Variants in GRIA1 observed in about 807,000 individuals in gnomAD.
GRIA1 encodes glutamate ionotropic receptor AMPA type subunit 1, also known as glutamate receptor 1.
In GRIA1, 31 loss-of-function variants were observed where a neutral mutation model predicts 99.2. The observed-to-expected ratio is 0.31, with a 90% CI of 0.23 to 0.42. The LOEUF (loss-of-function observed/expected upper bound fraction) is 0.42. Among genes scored for constraint, GRIA1 ranks in the 10% least tolerant of loss-of-function variants. GRIA1 has a pLI of 1.00. For synonymous variants in GRIA1, 438 were observed against 432.4 expected (o/e 1.01, Z -0.16); for missense variants, 782 against 1,157.5 (o/e 0.68, Z 4.71).
chr5:153,492,413 A>C (rs2113176236), intron 1 of GRIA1: 2 of 1,075,158 alleles, frequency 1.9e-6, no homozygotes, highest in Non-Finnish European at 2.5e-6. Context: ...TCAACCTCCC[A>C]TCCTTTCTCT....
At chr5:153,676,154 G>T (rs1279098500) in intron 6 of GRIA1, among the ~76,000 whole-genome samples, 2 of 152,140 alleles carry the variant, frequency 1.3e-5, no homozygotes, top group African/African-American at 4.8e-5. Flanking sequence ...ACTGCGCCCG[G>T]CATGTAATTT....
rs757346467 is a variant in GRIA1, at chr5:153,705,691, T to TTTTC, written c.1453-4_1453-3insTCTT. 3 of 1,291,922 alleles carry TTTTC rather than the reference T, an allele frequency of 2.3e-6. No homozygotes were observed. Among genetic ancestry groups the TTTTC allele is most frequent in the African/African-American group, 3.2e-5 (2 of 62,016 alleles). 80.0% of individuals were successfully genotyped at this position (1,291,922 alleles called of 1,614,324 possible). Reference sequence around the variant, plus strand: ...TTTTTTTTTTTTTTTTTTTTTTTTTTTTCAGAGAGCAGATGTGGCTGTGGC... The same window carrying TTTTC: ...TTTTTTTTTTTTTTTTTTTTTTTTTTTTTCTTCAGAGAGCAGATGTGGCTGTGGC... On this transcript the variant is annotated splice_polypyrimidine_tract_variant and splice_region_variant and intron_variant, in intron 10 of 15. Transcript: ENST00000285900.
chr5:153,510,600 T>C (rs572287474), intron 2 of GRIA1, among the ~76,000 whole-genome samples: 9 of 152,246 alleles, frequency 5.9e-5, no homozygotes, highest in Admixed American at 2.6e-4. Context: ...CTCTGCAAGA[T>C]ACATTTGGAA....
intron 10 of GRIA1, among the ~76,000 whole-genome samples, chr5:153,704,814 C>T (rs1758775693): frequency 6.6e-6 from 1 of 152,134 alleles, no homozygotes. Context: ...TGGCAGAACT[C>T]TGTATATCTT....
At chr5:153,639,029 G>A (rs983284188) in intron 2 of GRIA1, among the ~76,000 whole-genome samples, 3 of 152,218 alleles carry the variant, frequency 2.0e-5, no homozygotes, top group African/African-American at 7.2e-5. Context: ...AAACAGCCAC[G>A]TCTGTGCTGG....
At chr5:153,491,062 A>T in intron 1 of GRIA1, 92 bp downstream of exon 1, 1 of 1,266,396 alleles carries the variant, frequency 7.9e-7, no homozygotes, top group Non-Finnish European at 1.2e-6. Flanking sequence ...CCCGGTACTG[A>T]CTGTTTTGCT....
chr5:153,774,085 C>A (rs1764064751), intron 13 of GRIA1, among the ~76,000 whole-genome samples: 1 of 129,856 alleles, frequency 7.7e-6, no homozygotes, highest in Non-Finnish European at 1.6e-5. Flanking sequence ...CCCCCACACA[C>A]ACACACACAC....
intron 2 of GRIA1, among the ~76,000 whole-genome samples, chr5:153,545,886 G>A (rs558085206): frequency 1.8e-3 from 269 of 152,108 alleles, no homozygotes; most frequent in Middle Eastern, 3.4e-3. Flanking sequence ...CACCATAGTC[G>A]GCCAACCCCT....
rs1324180485 is a variant in GRIA1, at chr5:153,770,277, A to G, written c.2132A>G (p.Lys711Arg). ...EEGMIRVRKS[K>R]GKYAYLLEST... is the part of the protein sequence containing the mutation. ...GGGATGATTCGAGTGAGGAAATCCA[A>G]AGGCAAATATGCCTACCTCCTGGAG... Residue 711 changes from lysine (K) to arginine (R), a missense_variant, in exon 13 of 16, where the codon AAA becomes AGA. Coordinates refer to ENST00000285900, the MANE Select transcript of GRIA1 (RefSeq NM_000827.4). The G allele has an allele frequency of 6.2e-7, 1 of 1,614,046 alleles. No individual in the cohort carries two copies. The highest frequency in any genetic ancestry group is 1.1e-5 in the South Asian group (1 of 91,078).
chr5:153,635,191 A>AT (rs1483014686), intron 2 of GRIA1, among the ~76,000 whole-genome samples: 2 of 152,046 alleles, frequency 1.3e-5, no homozygotes, highest in African/African-American at 4.8e-5. Context: ...GAAACAAAAG[A>AT]TTTTTTTTCT....
intron 2 of GRIA1, among the ~76,000 whole-genome samples, chr5:153,629,704 T>A (rs1752791497): frequency 6.6e-6 from 1 of 152,242 alleles, no homozygotes. Flanking sequence ...CCCTTTAGGA[T>A]CCTCATCTTG....
intron 2 of GRIA1, among the ~76,000 whole-genome samples, chr5:153,511,457 C>T (rs1756066137): frequency 6.6e-6 from 1 of 152,184 alleles, no homozygotes; most frequent in Admixed American, 6.5e-5. Flanking sequence ...CCAACTCAGG[C>T]ATCTCAACCA....
At position 153,789,445 on chromosome 5, in the gene GRIA1, C is replaced by T. The variant is rs534942854; in HGVS notation, c.2271-5176C>T. On this transcript the variant is annotated intron_variant, in intron 13 of 15. Transcript: ENST00000285900. ...GAGCTCGTGAAACTAAAACAATTTC[C>T]AAGTCATTTTATCTAGACATTTCTT... is the stretch of plus-strand genomic sequence containing the variant. Among the ~76,000 whole-genome samples the T allele has an allele frequency of 4.6e-5, 7 of 151,742 alleles. No individual in the cohort carries two copies. The East Asian group carries it at 1.4e-3, about 29-fold the overall frequency.
chr5:153,534,999 A>G (rs76654752), intron 2 of GRIA1, among the ~76,000 whole-genome samples: 14,113 of 151,996 alleles, frequency 0.093, 814 homozygotes, highest in South Asian at 0.14. Flanking sequence ...TTGGTTCATT[A>G]TAACTTTTAC....
At chr5:153,593,483 C>T (rs532979250) in intron 2 of GRIA1, among the ~76,000 whole-genome samples, 18 of 152,136 alleles carry the variant, frequency 1.2e-4, no homozygotes, top group South Asian at 8.3e-4. Context: ...TCAGTATTTA[C>T]GTTATGATGA....
chr5:153,553,248 G>A (rs2149343919), intron 2 of GRIA1, among the ~76,000 whole-genome samples: 1 of 152,284 alleles, frequency 6.6e-6, no homozygotes, highest in Middle Eastern at 3.4e-3. Context: ...TTTTATGATG[G>A]TAGATGTGTT....
intron 2 of GRIA1, among the ~76,000 whole-genome samples, chr5:153,556,768 A>G (rs1760685554): frequency 6.6e-6 from 1 of 152,222 alleles, no homozygotes; most frequent in African/African-American, 2.4e-5. Context: ...GTAACCCTAC[A>G]TGAAATGCTT....
chr5:153,644,693 T>C (rs1336531848), intron 2 of GRIA1, among the ~76,000 whole-genome samples: 3 of 151,322 alleles, frequency 2.0e-5, no homozygotes, highest in Non-Finnish European at 4.4e-5. Flanking sequence ...TGATGAGGGG[T>C]CACTATTTAG....
rs757661936 is a variant in GRIA1 at position 153,698,897 on chromosome 5, G to A, written c.1276G>A (p.Ala426Thr). 2.5e-6 allele frequency: 4 copies of A among 1,613,314 alleles called. No homozygotes were observed. Among genetic ancestry groups the A allele is most frequent in the Admixed American group, 3.3e-5 (2 of 60,000 alleles). ...TCCTTATGTGATGCTCAAGAAGAAC[G>A]CCAATCAGTTTGAGGGCAATGACCG... The part of the protein sequence containing the change: ...EDPYVMLKKN[A>T]NQFEGNDRYE... The change falls in exon 10 of 16, where the codon GCC becomes ACC. Residue 426 changes from alanine (A) to threonine (T), a missense_variant. By Grantham distance (58) the Ala-to-Thr change is moderately conservative (BLOSUM62 0). Around this residue, in one of 5 missense-constraint regions of GRIA1, gnomAD observed 87 missense variants for 184.5 expected, o/e 0.47. Transcript: ENST00000285900.
Sources: allele counts gnomAD v4.1 joint callset (sites outside exome capture counted in the v4.1 genomes callset), GRCh38; gene constraint gnomAD v4.1.1; regional missense constraint gnomAD v4.1.1; transcripts MANE v1.5; gene names NCBI Gene and HGNC (gene_info 2026-07-23, HGNC 2026-07-21).